Variants in ZNF213 observed in about 807,000 individuals in gnomAD.
ZNF213 encodes zinc finger protein 213.
In ZNF213, 32 loss-of-function variants were observed where a neutral mutation model predicts 46.0. The observed-to-expected ratio is 0.70, with a 90% CI of 0.52 to 0.93. ZNF213 has a LOEUF of 0.93. Ranked by LOEUF, ZNF213 falls within the 40% of genes least tolerant of loss-of-function variation. The pLI, the probability that ZNF213 is intolerant of heterozygous loss-of-function variation, is 0.00. For synonymous variants in ZNF213, 297 were observed against 271.0 expected (o/e 1.10, Z -0.94); for missense variants, 639 against 652.8 (o/e 0.98, Z 0.23).
rs1957548172 is a variant in ZNF213, at chr16:3,137,154, C to T, written c.-115-12C>T. The T allele has an allele frequency of 3.1e-6, 4 of 1,304,754 alleles. No individual in the cohort carries two copies. The highest frequency in any genetic ancestry group is 1.5e-5 in the South Asian group (1 of 67,832). 80.8% of individuals were successfully genotyped at this position (1,304,754 alleles called of 1,614,324 possible). On this transcript the variant is annotated splice_polypyrimidine_tract_variant and intron_variant, in intron 1 of 5. Transcript: ENST00000396878. The stretch of plus-strand genomic sequence containing the variant: ...CTTCCTCCTCAGTCCTGCCATTTTG[C>T]TCTTTCCCCAGGAGTACACATCCAG...
rs1021467464 is a variant in ZNF213, at chr16:3,140,980, C to T, written c.1013C>T (p.Thr338Met). 8 of 1,609,166 alleles carry T rather than the reference C, an allele frequency of 5.0e-6. No individual in the cohort carries two copies. Among genetic ancestry groups the T allele is most frequent in the Admixed American group, 1.7e-5 (1 of 59,764 alleles). The change falls in exon 6 of 6, where the codon ACG becomes ATG. Residue 338 changes from threonine (T) to methionine (M), a missense_variant. By Grantham distance (81) the Thr-to-Met change is moderately conservative. Coordinates refer to ENST00000396878, the MANE Select transcript of ZNF213 (RefSeq NM_004220.3). ...TCGGACCTGGCGCGGCACCAGCGCA[C>T]GCACACGGGCGAGAAGCCACACAAG... is the stretch of plus-strand genomic sequence containing the variant. ...WGSDLARHQR[T>M]HTGEKPHKCP...
intron 1 of ZNF213, among the ~76,000 whole-genome samples, chr16:3,136,652 G>A (rs1188359349): frequency 6.6e-6 from 1 of 151,548 alleles, no homozygotes; most frequent in Non-Finnish European, 1.5e-5. Context: ...GGCAGGCAGA[G>A]GTTGCAGTGA....
chr16:3,137,530 ATCCTGGAGCTGCTGGTGCTGGAGCAGT>A lies in ZNF213; in HGVS notation c.256_282del (p.Glu86_Leu94del). ...GCCCGAGCTGCGTACCAAGGAGCAG[ATCCTGGAGCTGCTGGTGCTGGAGCAGT>A]TCCTGACAGTGCTGCCAGGGGAGAT... On this transcript the variant is annotated inframe_deletion, in exon 2 of 6. Transcript: ENST00000396878. The A allele has an allele frequency of 6.2e-7, 1 of 1,614,020 alleles. No individual in the cohort carries two copies. The highest frequency in any genetic ancestry group is 8.5e-7 in the Non-Finnish European group (1 of 1,180,028).
At chr16:3,139,303 C>T (rs1371115053) in intron 5 of ZNF213, 2 of 671,270 alleles carry the variant, frequency 3.0e-6, no homozygotes, top group South Asian at 2.0e-5. Context: ...GCTGCCCAGC[C>T]CTGCAGTTGC....
chr16:3,138,265 T>C (rs1213862544), intron 2 of ZNF213, 153 bp from the exon 3 acceptor site: 21 of 1,429,094 alleles, frequency 1.5e-5, no homozygotes, highest in Non-Finnish European at 2.0e-5. Flanking sequence ...TGGTATCACA[T>C]TCTCCTCCGG....
In ZNF213 at chr16:3,141,254, C is replaced by T. The variant is rs761524884; in HGVS notation, c.1287C>T (p.Phe429=). ...HRRVHTGERP[F]GCGECDKSFK... ...GTGTGCACACCGGTGAGCGGCCCTT[C>T]GGCTGCGGAGAGTGCGACAAGAGCT... The change falls in exon 6 of 6, where the codon TTC becomes TTT. Residue 429 remains phenylalanine (F), a synonymous_variant. Transcript: ENST00000396878. 4 of 1,612,276 alleles carry T rather than the reference C, an allele frequency of 2.5e-6. No homozygotes were observed. The highest frequency in any genetic ancestry group is 1.1e-5 in the South Asian group (1 of 91,082).
chr16:3,138,589 C>T (rs768870750), intron 3 of ZNF213, 48 bp downstream of exon 3: 3 of 1,613,178 alleles, frequency 1.9e-6, no homozygotes, highest in South Asian at 2.2e-5. Flanking sequence ...TGGGCAGGGA[C>T]CTAGCTTTGT....
chr16:3,138,791 G>A lies in ZNF213; in HGVS notation c.570G>A (p.Thr190=), dbSNP rs114806611. 5.7e-5 allele frequency: 92 copies of A among 1,614,010 alleles called. No individual in the cohort carries two copies. Among genetic ancestry groups the A allele is most frequent in the Middle Eastern group, 1.7e-4 (1 of 6,058 alleles). Residue 190 remains threonine (T), a synonymous_variant, in exon 4 of 6, where the codon ACG becomes ACA. Coordinates refer to ENST00000396878, the MANE Select transcript of ZNF213 (RefSeq NM_004220.3). ...AAGAGGGTCGTCCCGGAGAGACGAC[G>A]GACACCTGCTTTGTCTCTGGGGTCC... ...LLKEGRPGET[T]DTCFVSGVHG...
chr16:3,140,853 G>T lies in ZNF213; in HGVS notation c.886G>T (p.Ala296Ser). Residue 296 changes from alanine to serine, a missense_variant, in exon 6 of 6, where the codon GCG becomes TCG. Ala to Ser is a moderately conservative substitution (Grantham distance 99). Coordinates refer to ENST00000396878, the MANE Select transcript of ZNF213 (RefSeq NM_004220.3). ...GGCGGCCCTGGGCCCAGTGGTGGGC[G>T]CGCGACGGGGGCGGCCACCCACTCG... ...PRAALGPVVG[A>S]RRGRPPTRRR... 1 of 1,577,958 alleles carries T rather than the reference G, an allele frequency of 6.3e-7. No individual in the cohort carries two copies. The highest frequency in any genetic ancestry group is 8.6e-7 in the Non-Finnish European group (1 of 1,166,548).
chr16:3,138,688 TA>T, intron 3 of ZNF213, 56 bp from the exon 4 acceptor site: 1 of 1,611,982 alleles, frequency 6.2e-7, no homozygotes, highest in Non-Finnish European at 8.5e-7. Context: ...GGGGAGGCCA[TA>T]GGCGTCGGTG....
At chr16:3,138,720 C>G in intron 3 of ZNF213, 25 bp from the exon 4 acceptor site, 1 of 1,613,990 alleles carries the variant, frequency 6.2e-7, no homozygotes, top group East Asian at 2.2e-5. Context: ...GCTGGCCTTT[C>G]TAAGGCTCCA....
Position 3,138,428 on chromosome 16 carries a change from C to T in ZNF213, c.410C>T (p.Ser137Leu), listed in dbSNP as rs369876326. 2.4e-5 allele frequency: 38 copies of T among 1,613,404 alleles called. No individual in the cohort carries two copies. Among genetic ancestry groups the T allele is most frequent in the Middle Eastern group, 1.7e-4 (1 of 6,030 alleles). Residue 137 changes from serine (S) to leucine (L), a missense_variant, in exon 3 of 6, where the codon TCG (serine) becomes TTG (leucine). By Grantham distance (145) the Ser-to-Leu change is moderately radical. Coordinates refer to ENST00000396878, the MANE Select transcript of ZNF213 (RefSeq NM_004220.3). ...PVKAWRQDVPSEEAEPEAAGR... is the reference protein window; with the variant it reads ...PVKAWRQDVPLEEAEPEAAGR... The stretch of plus-strand genomic sequence containing the variant: ...GTGGTTCCTGCACAGGATGTGCCCT[C>T]GGAGGAGGCGGAACCCGAGGCTGCA...
chr16:3,140,531 C>G, intron 5 of ZNF213, 158 bp from the exon 6 acceptor site: 2 of 1,136,464 alleles, frequency 1.8e-6, no homozygotes, highest in East Asian at 6.2e-5. Flanking sequence ...CCAATCATCC[C>G]TGTTTTATAG....
rs1957602921 is a variant in ZNF213 at position 3,141,384 on chromosome 16, C to A, written c.*37C>A. ...GGCCGGAAACCCGGGGGAGGCCCAG[C>A]CACGGCACATCCTGCTTTGTTCACC... On this transcript the variant is annotated 3_prime_UTR_variant, in exon 6 of 6. Coordinates refer to ENST00000396878, the MANE Select transcript of ZNF213 (RefSeq NM_004220.3). 6.6e-7 allele frequency: 1 copy of A among 1,517,500 alleles called. No homozygotes were observed. The highest frequency in any genetic ancestry group is 8.8e-7 in the Non-Finnish European group (1 of 1,138,614). The allele number at this position is 1,517,500 out of a possible 1,614,324, so 94.0% of individuals were successfully genotyped here.
In ZNF213 at chr16:3,140,983, A is replaced by T; in HGVS notation, c.1016A>T (p.His339Leu). 1 of 1,610,048 alleles carries T rather than the reference A, an allele frequency of 6.2e-7. No individual in the cohort carries two copies. The highest frequency in any genetic ancestry group is 1.3e-5 in the African/African-American group (1 of 75,014). ...GSDLARHQRT[H>L]TGEKPHKCPE... Reference sequence around the variant, plus strand: ...GACCTGGCGCGGCACCAGCGCACGCACACGGGCGAGAAGCCACACAAGTGC... The same window carrying T: ...GACCTGGCGCGGCACCAGCGCACGCTCACGGGCGAGAAGCCACACAAGTGC... The change falls in exon 6 of 6, where the codon CAC becomes CTC. Residue 339 changes from histidine to leucine, a missense_variant. Physicochemically the swap from His to Leu is moderately conservative, Grantham distance 99. Transcript: ENST00000396878.
In ZNF213 at chr16:3,138,439, G is replaced by T. The variant is rs572592343; in HGVS notation, c.421G>T (p.Glu141Ter). ...ACAGGATGTGCCCTCGGAGGAGGCG[G>T]AACCCGAGGCTGCAGGCCGGGGATC... ...WRQDVPSEEA[E>*]PEAAGRGSQA... The change falls in exon 3 of 6, where the codon GAA becomes TAA. Residue 141 changes from glutamate to a stop codon, truncating the protein, a stop_gained. Transcript: ENST00000396878. LOFTEE classifies it high-confidence loss of function. 1 of 1,613,530 alleles carries T rather than the reference G, an allele frequency of 6.2e-7. No homozygotes were observed. The highest frequency in any genetic ancestry group is 1.3e-5 in the African/African-American group (1 of 75,038).
chr16:3,140,583 C>G (rs1169592104), intron 5 of ZNF213, 106 bp from the exon 6 acceptor site: 2 of 1,401,534 alleles, frequency 1.4e-6, no homozygotes, highest in African/African-American at 1.5e-5. Context: ...CCAGGGCTTT[C>G]TGAACCTGGA....
chr16:3,137,472 C>T lies in ZNF213; in HGVS notation c.192C>T (p.Ser64=), dbSNP rs756113667. 6.2e-7 allele frequency: 1 copy of T among 1,613,926 alleles called. No homozygotes were observed. The highest frequency in any genetic ancestry group is 1.7e-4 in the Middle Eastern group (1 of 6,006). ...GDVHGPHEAF[S]QLWELCCRWL... ...TGCATGGGCCTCATGAGGCCTTCAG[C>T]CAGCTCTGGGAGCTCTGCTGCCGCT... The change falls in exon 2 of 6, where the codon AGC becomes AGT. Residue 64 remains serine, a synonymous_variant. Transcript: ENST00000396878.
Position 3,141,744 on chromosome 16 carries a change from G to C in ZNF213, c.*397G>C. 1 of 206,378 alleles carries C rather than the reference G, an allele frequency of 4.8e-6. No homozygotes were observed. The highest frequency in any genetic ancestry group is 9.7e-6 in the Non-Finnish European group (1 of 103,564). The allele number at this position is 206,378 out of a possible 1,614,324, so 12.8% of individuals were successfully genotyped here. A position where few individuals can be genotyped will look rare whatever the true frequency, so the allele number is the denominator to read the frequency against. ...CCCACCCTGTGGGGTGGGTCCATGG[G>C]TCAGGCCTCTGCCCTACCAACCTGT... On this transcript the variant is annotated 3_prime_UTR_variant, in exon 6 of 6. Transcript: ENST00000396878.
Sources: gnomAD v4.1 joint callset for allele counts (sites outside exome capture counted in the v4.1 genomes callset) on GRCh38, gnomAD v4.1.1 for gene constraint, MANE v1.5 for transcripts, NCBI Gene and HGNC (gene_info 2026-07-23, HGNC 2026-07-21) for gene names.